Variants in ZNF385D observed in about 807,000 individuals in gnomAD.
ZNF385D encodes zinc finger protein 659.
A neutral mutation model predicts 35.8 loss-of-function variants in ZNF385D; 15 were observed. The ratio of observed to expected loss-of-function variants is 0.42; its 90% CI spans 0.28 to 0.64. ZNF385D has a LOEUF of 0.64. Ranked by LOEUF, ZNF385D falls within the 30% of genes least tolerant of loss-of-function variation. The pLI, the probability that ZNF385D is intolerant of heterozygous loss-of-function variation, is 0.23. For missense variants in ZNF385D, 474 were observed against 494.6 expected, an observed-to-expected ratio of 0.96 and a Z score of 0.39; for synonymous variants, 212 against 186.8, an observed-to-expected ratio of 1.13 and a Z score of -1.10.
At chr3:21,657,696 C>CT (rs57579176) in intron 2 of ZNF385D, among the ~76,000 whole-genome samples, 87 of 151,192 alleles carry the variant, frequency 5.8e-4, no homozygotes, top group Middle Eastern at 6.8e-3. Flanking sequence ...GAAAGACAGG[C>CT]TTTTTTTTTA....
chr3:22,153,532 C>A (rs1014315065), intron 3 of ZNF385D, among the ~76,000 whole-genome samples: 1 of 147,794 alleles, frequency 6.8e-6, no homozygotes, highest in Admixed American at 6.8e-5. Context: ...GGCACGGTCT[C>A]GGATCACTGC....
At chr3:22,330,816 G>GC (rs1694898156) in intron 2 of ZNF385D, among the ~76,000 whole-genome samples, 1 of 152,200 alleles carries the variant, frequency 6.6e-6, no homozygotes, top group African/African-American at 2.4e-5. Flanking sequence ...CAGTGTGCCT[G>GC]CCTTTACTTT....
chr3:21,601,127 TAAC>T (rs1230249984), intron 2 of ZNF385D, among the ~76,000 whole-genome samples: 6 of 152,200 alleles, frequency 3.9e-5, no homozygotes, highest in Non-Finnish European at 7.4e-5. Flanking sequence ...ATCACTTTAA[TAAC>T]AATTAAAAAT....
intron 4 of ZNF385D, among the ~76,000 whole-genome samples, chr3:21,491,833 C>G (rs1298223558): frequency 6.6e-6 from 1 of 152,128 alleles, no homozygotes; most frequent in Admixed American, 6.6e-5. Flanking sequence ...TTCTCTTTTT[C>G]TACTTTTGAC....
chr3:21,549,802 T>C (rs1255602964), intron 3 of ZNF385D, among the ~76,000 whole-genome samples: 1 of 152,184 alleles, frequency 6.6e-6, no homozygotes, highest in Non-Finnish European at 1.5e-5. Flanking sequence ...GACACTCTCT[T>C]ATGAAAGAGA....
intron 2 of ZNF385D, among the ~76,000 whole-genome samples, chr3:22,202,978 C>T (rs1696903533): frequency 6.6e-6 from 1 of 152,066 alleles, no homozygotes; most frequent in African/African-American, 2.4e-5. Flanking sequence ...AAAATTGTAA[C>T]TCCTAGGCAA....
intron 2 of ZNF385D, among the ~76,000 whole-genome samples, chr3:22,259,281 G>A (rs978631336): frequency 4.0e-5 from 6 of 151,826 alleles, no homozygotes; most frequent in African/African-American, 4.8e-5. Flanking sequence ...TTGGGGAGTT[G>A]TTTACCTCAT....
In ZNF385D at chr3:21,808,946, C is replaced by A. The variant is rs142950998; in HGVS notation, c.326-143918G>T. 5.7e-3 allele frequency among the ~76,000 whole-genome samples: 869 copies of A among 152,130 alleles called. 35 individuals carry two copies. Among genetic ancestry groups the A allele is most frequent in the Admixed American group, 0.05 (768 of 15,274 alleles). On this transcript the variant is annotated intron_variant, in intron 3 of 5. Transcript: ENST00000494108. ...AAATTGACATTTGAACTACAGTTCT[C>A]GAAGGGCAACCAGGAAGGGCATGCA...
intron 1 of ZNF385D, among the ~76,000 whole-genome samples, chr3:21,721,872 G>A (rs956135732): frequency 2.0e-5 from 3 of 152,134 alleles, no homozygotes; most frequent in Non-Finnish European, 2.9e-5. Flanking sequence ...GGCCCAGGCG[G>A]GTGGATCACC....
chr3:21,873,591 T>C (rs1697807321), intron 3 of ZNF385D, among the ~76,000 whole-genome samples: 1 of 152,120 alleles, frequency 6.6e-6, no homozygotes, highest in Non-Finnish European at 1.5e-5. Flanking sequence ...AACTTTTGCA[T>C]CCTGTGTGAC....
chr3:21,953,258 A>G (rs1048635492), intron 3 of ZNF385D, among the ~76,000 whole-genome samples: 1 of 140,888 alleles, frequency 7.1e-6, no homozygotes, highest in Non-Finnish European at 1.5e-5. Context: ...GGCTCAGAAT[A>G]AAACTTTTTT....
chr3:21,957,408 G>C (rs1702350197), intron 3 of ZNF385D, among the ~76,000 whole-genome samples: 1 of 152,136 alleles, frequency 6.6e-6, no homozygotes, highest in African/African-American at 2.4e-5. Flanking sequence ...ATATGGGAAA[G>C]TTTGGAACTT....
At chr3:21,892,400 A>C (rs1362081553) in intron 3 of ZNF385D, among the ~76,000 whole-genome samples, 5 of 152,124 alleles carry the variant, frequency 3.3e-5, no homozygotes, top group African/African-American at 1.2e-4. Context: ...AGAATACAAC[A>C]ATCCAGAGAA....
chr3:21,833,143 G>A (rs1047579970), intron 3 of ZNF385D, among the ~76,000 whole-genome samples: 3 of 152,042 alleles, frequency 2.0e-5, no homozygotes, highest in African/African-American at 7.2e-5. Flanking sequence ...TGGGTACTAG[G>A]AACACTGCAG....
chr3:22,244,596 A>G (rs555927140), intron 2 of ZNF385D, among the ~76,000 whole-genome samples: 1 of 151,048 alleles, frequency 6.6e-6, no homozygotes, highest in South Asian at 2.1e-4. Context: ...CAAGTACATC[A>G]GCTCTCAAAG....
chr3:22,218,924 G>T (rs1010389375), intron 2 of ZNF385D, among the ~76,000 whole-genome samples: 1 of 152,028 alleles, frequency 6.6e-6, no homozygotes, highest in Non-Finnish European at 1.5e-5. Context: ...GTAGATCATT[G>T]CATGTTAGAC....
intron 3 of ZNF385D, among the ~76,000 whole-genome samples, chr3:21,528,223 T>A (rs935956587): frequency 1.5e-4 from 23 of 152,116 alleles, no homozygotes; most frequent in African/African-American, 4.6e-4. Context: ...TCTGACAGAG[T>A]ATAATTCCCA....
chr3:21,712,418 T>C lies in ZNF385D; in HGVS notation c.22+38477A>G, dbSNP rs186718184. Among the ~76,000 whole-genome samples, 25 of 152,306 alleles carry C rather than the reference T, an allele frequency of 1.6e-4. No homozygotes were observed. The East Asian group carries it at 4.2e-3, about 26-fold the overall frequency. On this transcript the variant is annotated intron_variant, in intron 1 of 7. Coordinates refer to ENST00000281523, the MANE Select transcript of ZNF385D (RefSeq NM_024697.3). ...CTGATTGAACTCACGGTCTCTTCTCTTACTTCATTATGTGGAATGTCACTT... is the reference window on the plus strand; with the variant it reads ...CTGATTGAACTCACGGTCTCTTCTCCTACTTCATTATGTGGAATGTCACTT...
intron 2 of ZNF385D, among the ~76,000 whole-genome samples, chr3:22,171,534 G>A (rs1694425869): frequency 6.6e-6 from 1 of 152,052 alleles, no homozygotes; most frequent in Admixed American, 6.5e-5. Context: ...TTGACACTAA[G>A]GAAAAAAGAG....
Sources: allele counts gnomAD v4.1 joint callset (sites outside exome capture counted in the v4.1 genomes callset), GRCh38; gene constraint gnomAD v4.1.1; transcripts MANE v1.5; gene names NCBI Gene and HGNC (gene_info 2026-07-23, HGNC 2026-07-21).